Variants in BSX observed in about 807,000 individuals in gnomAD.
The protein encoded by BSX is brain-specific homeobox protein homolog.
In BSX, 12 loss-of-function variants were observed where a neutral mutation model predicts 16.9. The observed-to-expected ratio is 0.71, with a 90% CI of 0.46 to 1.15. The LOEUF is 1.15. Among genes scored for constraint, BSX ranks in the 50% most tolerant of loss-of-function variants. BSX has a pLI of 0.00. For missense variants in BSX, 292 were observed against 311.8 expected (o/e 0.94, Z 0.48); for synonymous variants, 160 against 136.4 (o/e 1.17, Z -1.20).
intron 1 of BSX, among the ~76,000 whole-genome samples, chr11:122,980,557 AG>A (rs1195294062): frequency 6.6e-6 from 1 of 152,094 alleles, no homozygotes; most frequent in African/African-American, 2.4e-5. Context: ...CTGAGCTATG[AG>A]TCTGGACTCA....
At position 122,981,817 on chromosome 11, in the gene BSX, C is replaced by A; in HGVS notation, c.-146G>T. On this transcript the variant is annotated 5_prime_UTR_variant, in exon 1 of 3. Transcript: ENST00000343035. ...TCCCGGGCCTGGGCTACCCCGGGCG[C>A]TGGAGAGGCAAGAAGACAAGCTCCT... The A allele has an allele frequency of 1.2e-6, 1 of 829,488 alleles. No homozygotes were observed. The highest frequency in any genetic ancestry group is 2.8e-5 in the East Asian group (1 of 36,036). The allele number at this position is 829,488 out of a possible 1,614,324, so 51.4% of individuals were successfully genotyped here.
intron 2 of BSX, among the ~76,000 whole-genome samples, chr11:122,978,715 G>C (rs1044153679): frequency 5.3e-5 from 8 of 151,620 alleles, no homozygotes; most frequent in Admixed American, 4.6e-4. Context: ...TTCCTGTCCA[G>C]AGCCCCGCTC....
intron 2 of BSX, among the ~76,000 whole-genome samples, chr11:122,978,538 G>GA (rs935997239): frequency 4.7e-4 from 71 of 152,126 alleles, no homozygotes; most frequent in Middle Eastern, 3.4e-3. Flanking sequence ...GAGAAAGGGG[G>GA]AAAAAATCTC....
At chr11:122,979,631 G>GAA (rs3057446) in intron 1 of BSX, among the ~76,000 whole-genome samples, 174 bp from the exon 2 acceptor site, 80 of 123,630 alleles carry the variant, frequency 6.5e-4, no homozygotes, top group African/African-American at 1.7e-3. Context: ...GGCAGAGGAA[G>GAA]AAAAAAAAAA....
chr11:122,981,358 G>A, intron 1 of BSX, 52 bp downstream of exon 1: 1 of 1,458,082 alleles, frequency 6.9e-7, no homozygotes. Context: ...TAGGGTCTGT[G>A]CTAGAAGCCC....
rs190227799 is a variant in BSX, at chr11:122,979,270, G to C, written c.450C>G (p.Ser150=). ...CTCTCCTCCCGCCCACCTGCGTCTC[G>C]GACAGGCTGAGGGCCGTGGCCAGCT... ...RVELATALSL[S]ETQVKTWFQN... Residue 150 remains serine (S), a synonymous_variant, in exon 2 of 3, where the codon TCC becomes TCG. Transcript: ENST00000343035. 6.2e-7 allele frequency: 1 copy of C among 1,611,464 alleles called. No homozygotes were observed. The highest frequency in any genetic ancestry group is 8.5e-7 in the Non-Finnish European group (1 of 1,178,166).
rs1009896463 is a variant in BSX, at chr11:122,977,783, G to A, written c.568C>T (p.Arg190Cys). ...GCGGCGGTGGCGGCCTCTGAACCGCGGGGGCTGCCCTCGGGGCTTTCTGGC... is the reference window on the plus strand; with the variant it reads ...GCGGCGGTGGCGGCCTCTGAACCGCAGGGGCTGCCCTCGGGGCTTTCTGGC... ...DGPESPEGSPRGSEAATAAEA... is the reference protein window; with the variant it reads ...DGPESPEGSPCGSEAATAAEA... Residue 190 changes from arginine (R) to cysteine (C), a missense_variant, in exon 3 of 3, where the codon CGC (arginine) becomes TGC (cysteine). Coordinates refer to ENST00000343035, the MANE Select transcript of BSX (RefSeq NM_001098169.2). The surrounding 1 kb of genome is among the most constrained non-coding windows in gnomAD (Gnocchi z 4.5). 2 of 1,613,544 alleles carry A rather than the reference G, an allele frequency of 1.2e-6. No individual in the cohort carries two copies. The highest frequency in any genetic ancestry group is 1.7e-6 in the Non-Finnish European group (2 of 1,179,734).
Position 122,977,627 on chromosome 11 carries a change from C to T in BSX, c.*22G>A, listed in dbSNP as rs1864512066. ...GCCCCGCAGTCTCCTCCCCTGCCTACTACCCTCCCCAGCCTGGCGGCTCAG... is the reference window on the plus strand; with the variant it reads ...GCCCCGCAGTCTCCTCCCCTGCCTATTACCCTCCCCAGCCTGGCGGCTCAG... On this transcript the variant is annotated 3_prime_UTR_variant, in exon 3 of 3. Coordinates refer to ENST00000343035, the MANE Select transcript of BSX (RefSeq NM_001098169.2). The surrounding 1 kb of genome is among the most constrained non-coding windows in gnomAD (Gnocchi z 4.5). 1 of 1,599,726 alleles carries T rather than the reference C, an allele frequency of 6.3e-7. No individual in the cohort carries two copies. Among genetic ancestry groups the T allele is most frequent in the Non-Finnish European group, 8.5e-7 (1 of 1,178,276 alleles).
At chr11:122,979,234 T>C (rs1490319739) in intron 2 of BSX, 27 bp downstream of exon 2, 4 of 1,594,138 alleles carry the variant, frequency 2.5e-6, no homozygotes, top group Non-Finnish European at 3.4e-6. Context: ...GAAGCAGAGA[T>C]CAGGGCCTCC....
At chr11:122,981,381 G>T in intron 1 of BSX, 29 bp downstream of exon 1, 1 of 1,494,110 alleles carries the variant, frequency 6.7e-7, no homozygotes, top group Non-Finnish European at 9.0e-7. Context: ...CTCTCTCACT[G>T]CCCATACCTT....
intron 2 of BSX, 37 bp downstream of exon 2, chr11:122,979,224 G>C: frequency 3.2e-6 from 5 of 1,572,958 alleles, no homozygotes; most frequent in Non-Finnish European, 4.3e-6. Flanking sequence ...AGAGAGGAAC[G>C]AAGCAGAGAT....
In BSX at chr11:122,979,391, C is replaced by T; in HGVS notation, c.329G>A (p.Arg110His). Residue 110 changes from arginine to histidine, a missense_variant, in exon 2 of 3, where the codon CGC becomes CAC. By Grantham distance (29) the Arg-to-His change is conservative. Coordinates refer to ENST00000343035, the MANE Select transcript of BSX (RefSeq NM_001098169.2). ...AGAGAAAACCGTGCGGGCTTTGCGG[C>T]GGCGGCAGTGCTTCCCCGGCAGCTC... Reference protein sequence around the residue: ...HAELPGKHCRRRKARTVFSDS... With the variant: ...HAELPGKHCRHRKARTVFSDS... 1 of 1,614,010 alleles carries T rather than the reference C, an allele frequency of 6.2e-7. No individual in the cohort carries two copies. Among genetic ancestry groups the T allele is most frequent in the Non-Finnish European group, 8.5e-7 (1 of 1,179,986 alleles).
chr11:122,978,595 A>G (rs1207946521), intron 2 of BSX, among the ~76,000 whole-genome samples: 6 of 151,810 alleles, frequency 4.0e-5, no homozygotes, highest in Admixed American at 3.3e-4. Flanking sequence ...AACTCTTACC[A>G]TTTACCTCTG....
Position 122,981,727 on chromosome 11 carries a change from CAG to C in BSX, c.-58_-57del. On this transcript the variant is annotated 5_prime_UTR_variant, in exon 1 of 3. Transcript: ENST00000343035. The stretch of plus-strand genomic sequence containing the variant: ...GCCGGGACGAAGTGGAGGACGCAGG[CAG>C]AGTCTCCAAGCCTGCTCGAAAGCCG... 3 of 1,507,610 alleles carry C rather than the reference CAG, an allele frequency of 2.0e-6. No individual in the cohort carries two copies. Among genetic ancestry groups the C allele is most frequent in the Admixed American group, 2.0e-5 (1 of 50,384 alleles). The allele number at this position is 1,507,610 out of a possible 1,614,324, so 93.4% of individuals were successfully genotyped here.
In BSX at chr11:122,981,675, G is replaced by T; in HGVS notation, c.-4C>A. On this transcript the variant is annotated 5_prime_UTR_variant, in exon 1 of 3. Transcript: ENST00000343035. ...GAGAGGTGAAGTTGAGATTCATCTT[G>T]AGCGGAGCACCTGCCACAGGACAAG... 6.4e-7 allele frequency: 1 copy of T among 1,565,146 alleles called. No individual in the cohort carries two copies. The highest frequency in any genetic ancestry group is 1.2e-5 in the South Asian group (1 of 83,462).
At position 122,979,352 on chromosome 11, in the gene BSX, G is replaced by A; in HGVS notation, c.368C>T (p.Ser123Leu). The change falls in exon 2 of 3, where the codon TCG (serine) becomes TTG (leucine). Residue 123 changes from serine to leucine, a missense_variant. Physicochemically the swap from Ser to Leu is moderately radical, Grantham distance 145. This residue lies in a region of BSX where 176 missense variants were observed against 187.2 expected (regional missense o/e 0.94). Coordinates refer to ENST00000343035, the MANE Select transcript of BSX (RefSeq NM_001098169.2). ...GATCTCGAACCTCTTCTCCAAGCCC[G>A]AGAGCTGCGAGTCAGAGAAAACCGT... is the stretch of plus-strand genomic sequence containing the variant. ...ARTVFSDSQL[S>L]GLEKRFEIQR... is the part of the protein sequence containing the mutation. 3 of 1,614,158 alleles carry A rather than the reference G, an allele frequency of 1.9e-6. No individual in the cohort carries two copies. The highest frequency in any genetic ancestry group is 1.3e-5 in the African/African-American group (1 of 75,068).
Position 122,981,594 on chromosome 11 carries a change from CAGGATGTCCTCGATGAAGA to C in BSX, c.59_77del (p.Phe20CysfsTer8). 1 of 1,598,864 alleles carries C rather than the reference CAGGATGTCCTCGATGAAGA, an allele frequency of 6.3e-7. No homozygotes were observed. The highest frequency in any genetic ancestry group is 1.1e-5 in the South Asian group (1 of 88,216). ...CTCTCAGCGGCTTGGGCTTGTGCAG[CAGGATGTCCTCGATGAAGA>C]AGGATGTGGGCCTCTGAGAAGACGC... On this transcript the variant is annotated frameshift_variant, in exon 1 of 3. Transcript: ENST00000343035. LOFTEE classifies it high-confidence loss of function.
chr11:122,977,883 C>A lies in BSX; in HGVS notation c.468G>T (p.Thr156=), dbSNP rs375870565. Residue 156 remains threonine (T), a synonymous_variant, in exon 3 of 3, where the codon ACG becomes ACT. Transcript: ENST00000343035. The surrounding 1 kb of genome is among the most constrained non-coding windows in gnomAD (Gnocchi z 4.5). ...GCTTCATCCGCCGGTTCTGGAACCA[C>A]GTTTTCACCTGATTTCGGGGAGATA... ...ALSLSETQVK[T]WFQNRRMKHK... 2.4e-5 allele frequency: 39 copies of A among 1,613,606 alleles called. No individual in the cohort carries two copies. The highest frequency in any genetic ancestry group is 3.1e-5 in the Non-Finnish European group (36 of 1,179,956).
chr11:122,979,124 A>C (rs1208700368), intron 2 of BSX, 137 bp downstream of exon 2: 3 of 900,940 alleles, frequency 3.3e-6, no homozygotes, highest in Non-Finnish European at 5.0e-6. Context: ...AATTTTACGA[A>C]AGCTCTTGGG....
Sources: allele counts gnomAD v4.1 joint callset (sites outside exome capture counted in the v4.1 genomes callset), GRCh38; gene constraint gnomAD v4.1.1; regional missense constraint gnomAD v4.1.1; non-coding constraint Gnocchi (gnomAD v3.1); transcripts MANE v1.5; gene names NCBI Gene and HGNC (gene_info 2026-07-23, HGNC 2026-07-21).